Variants in RCBTB2 observed in about 807,000 individuals in gnomAD.
The protein encoded by RCBTB2 is RCC1 and BTB domain-containing protein 2.
In RCBTB2, 55 loss-of-function variants were observed where a neutral mutation model predicts 65.4. The ratio of observed to expected loss-of-function variants is 0.84; its 90% CI spans 0.68 to 1.05. The LOEUF (loss-of-function observed/expected upper bound fraction) is 1.05. Ranked by LOEUF, RCBTB2 falls within the 50% of genes least tolerant of loss-of-function variation. The pLI, the probability that RCBTB2 is intolerant of heterozygous loss-of-function variation, is 0.00. For missense variants in RCBTB2, 599 were observed against 680.1 expected (o/e 0.88, Z 1.33); for synonymous variants, 220 against 255.2 (o/e 0.86, Z 1.31).
intron 1 of RCBTB2, 87 bp downstream of exon 1, chr13:48,532,941 G>T: frequency 2.2e-6 from 1 of 453,198 alleles, no homozygotes; most frequent in South Asian, 1.6e-5. Flanking sequence ...GCGGGGAGGG[G>T]TGGCCTGCCC....
intron 14 of RCBTB2, among the ~76,000 whole-genome samples, chr13:48,495,056 G>GA (rs1195092414): frequency 6.6e-6 from 1 of 151,918 alleles, no homozygotes; most frequent in Non-Finnish European, 1.5e-5. Context: ...TATGTAAACA[G>GA]AAAAAAAGTT....
intron 1 of RCBTB2, chr13:48,532,732 C>T (rs1212759420): frequency 6.7e-6 from 2 of 297,790 alleles, no homozygotes; most frequent in Non-Finnish European, 1.3e-5. Flanking sequence ...AGCAGCGCAC[C>T]GGGCCCACGC....
In RCBTB2 at chr13:48,512,031, T is replaced by C; in HGVS notation, c.660A>G (p.Val220=). Residue 220 remains valine (V), a synonymous_variant, in exon 8 of 15, where the codon GTA becomes GTG. Transcript: ENST00000344532. ...ACTTCCTTACCTCCCCCGTGTCTAC[T>C]ACTGCCATGCAGCACATCTGCCCAC... ...IACGQMCCMA[V]VDTGEVYVWG... is the part of the protein sequence containing the mutation. 1 of 1,614,078 alleles carries C rather than the reference T, an allele frequency of 6.2e-7. No individual in the cohort carries two copies. Among genetic ancestry groups the C allele is most frequent in the Non-Finnish European group, 8.5e-7 (1 of 1,179,896 alleles).
intron 4 of RCBTB2, among the ~76,000 whole-genome samples, chr13:48,516,358 G>A (rs369016397): frequency 4.6e-5 from 7 of 152,146 alleles, no homozygotes; most frequent in African/African-American, 1.2e-4. Context: ...AGTGACAAAC[G>A]AGGTGGCTTA....
chr13:48,493,345 C>G (rs1430258729), intron 14 of RCBTB2, among the ~76,000 whole-genome samples: 1 of 83,844 alleles, frequency 1.2e-5, no homozygotes, highest in Non-Finnish European at 2.9e-5. Context: ...TCTCTCTTCT[C>G]TTCTCTCTCT....
intron 12 of RCBTB2, 98 bp from the exon 13 acceptor site, chr13:48,499,858 C>T (rs117919451): frequency 2.6e-5 from 36 of 1,381,778 alleles, no homozygotes; most frequent in African/African-American, 4.3e-5. Flanking sequence ...CACGCTGGCA[C>T]GTCCCTGCTG....
intron 3 of RCBTB2, 88 bp from the exon 4 acceptor site, chr13:48,522,050 G>A (rs1211262857): frequency 9.1e-7 from 1 of 1,100,894 alleles, no homozygotes; most frequent in Non-Finnish European, 1.3e-6. Flanking sequence ...AATTAGCAGG[G>A]AAAATAAGCT....
At chr13:48,532,652 G>T (rs966258313) in intron 1 of RCBTB2, 7 of 234,502 alleles carry the variant, frequency 3.0e-5, no homozygotes. Context: ...CGCCAAACGC[G>T]ACCCCTACCA....
chr13:48,499,516 T>C, intron 13 of RCBTB2, 105 bp downstream of exon 13: 2 of 1,174,512 alleles, frequency 1.7e-6, no homozygotes, highest in Non-Finnish European at 1.2e-6. Flanking sequence ...CAAAAAGAAA[T>C]ACTTCTGTAA....
intron 1 of RCBTB2, among the ~76,000 whole-genome samples, chr13:48,531,013 A>G (rs911104646): frequency 3.3e-5 from 5 of 152,182 alleles, no homozygotes; most frequent in African/African-American, 1.2e-4. Flanking sequence ...CACCGTACCC[A>G]TGATGTTTAA....
chr13:48,531,620 A>C (rs1952127442), intron 1 of RCBTB2, among the ~76,000 whole-genome samples: 1 of 152,346 alleles, frequency 6.6e-6, no homozygotes, highest in South Asian at 2.1e-4. Context: ...CAGCAAGAGC[A>C]ATAAGGCCTG....
intron 10 of RCBTB2, among the ~76,000 whole-genome samples, chr13:48,504,745 T>C (rs1309556218): frequency 1.9e-4 from 29 of 152,178 alleles, no homozygotes; most frequent in Admixed American, 1.5e-3. Context: ...AGAGCAAAGG[T>C]TGTGTAAGAC....
chr13:48,530,408 G>C (rs899632290), intron 1 of RCBTB2, among the ~76,000 whole-genome samples: 2 of 152,276 alleles, frequency 1.3e-5, no homozygotes, highest in South Asian at 4.1e-4. Flanking sequence ...TGTAAGTAAA[G>C]GACATGAGGG....
At chr13:48,518,472 A>AAAAAAAAATAT (rs1491137365) in intron 4 of RCBTB2, among the ~76,000 whole-genome samples, 24 of 116,588 alleles carry the variant, frequency 2.1e-4, no homozygotes, top group African/African-American at 8.7e-4. Context: ...AAAAAAAAAA[A>AAAAAAAAATAT]ATATATATAT....
chr13:48,521,464 T>C (rs1951419663), intron 4 of RCBTB2, among the ~76,000 whole-genome samples: 1 of 152,210 alleles, frequency 6.6e-6, no homozygotes, highest in South Asian at 2.1e-4. Flanking sequence ...CATAAGTTGG[T>C]TGACTGTCAT....
Position 48,511,805 on chromosome 13 carries a change from T to C in RCBTB2, c.748A>G (p.Arg250Gly). Residue 250 changes from arginine (R) to glycine (G), a missense_variant, in exon 9 of 15, where the codon AGA becomes GGA. Coordinates refer to ENST00000344532, the MANE Select transcript of RCBTB2 (RefSeq NM_001268.4). ...GNSGNQPTPC[R>G]VAALQGIRVQ... ...CGGATGCCTTGCAAAGCTGCCACTC[T>C]GCAAGGGGTTGGCTGGTTGCCACTG... The C allele has an allele frequency of 6.2e-7, 1 of 1,614,236 alleles. No individual in the cohort carries two copies. The highest frequency in any genetic ancestry group is 8.5e-7 in the Non-Finnish European group (1 of 1,180,034).
chr13:48,528,645 A>C (rs1951938504), intron 1 of RCBTB2, among the ~76,000 whole-genome samples: 1 of 152,198 alleles, frequency 6.6e-6, no homozygotes, highest in Non-Finnish European at 1.5e-5. Flanking sequence ...TATCTTTAAT[A>C]GCTTTTTAAG....
intron 4 of RCBTB2, among the ~76,000 whole-genome samples, chr13:48,516,448 G>C (rs2138574083): frequency 6.6e-6 from 1 of 152,316 alleles, no homozygotes; most frequent in East Asian, 1.9e-4. Flanking sequence ...CTCCTTCTGA[G>C]GGCTGTGAGG....
At chr13:48,527,608 A>T (rs1340671355) in intron 1 of RCBTB2, among the ~76,000 whole-genome samples, 1 of 152,106 alleles carries the variant, frequency 6.6e-6, no homozygotes, top group South Asian at 2.1e-4. Flanking sequence ...CTCGGTGGCC[A>T]GTAGTTCAAG....
Sources: allele counts gnomAD v4.1 joint callset (sites outside exome capture counted in the v4.1 genomes callset), GRCh38; gene constraint gnomAD v4.1.1; transcripts MANE v1.5; gene names NCBI Gene and HGNC (gene_info 2026-07-23, HGNC 2026-07-21).